Variants in ZNF487 observed in about 807,000 individuals in gnomAD.
ZNF487 encodes the protein zinc finger protein 487.
In ZNF487, 4 loss-of-function variants were observed where a neutral mutation model predicts 3.0. That is an observed-to-expected ratio of 1.35 (90% CI 0.66 to 3.08). The LOEUF is 3.08. ZNF487 is among the 30% of genes most tolerant of loss of function. The pLI is 0.01. For synonymous variants in ZNF487, 55 were observed against 34.6 expected (o/e 1.59, Z -2.06); for missense variants, 146 against 98.7 (o/e 1.48, Z -2.03).
chr10:43,481,701 A>C lies in ZNF487; in HGVS notation c.403A>C (p.Lys135Gln). The C allele has an allele frequency of 1.4e-6, 1 of 713,264 alleles. No individual in the cohort carries two copies. Among genetic ancestry groups the C allele is most frequent in the Non-Finnish European group, 2.6e-6 (1 of 383,526 alleles). 44.2% of individuals were successfully genotyped at this position (713,264 alleles called of 1,614,324 possible). The change falls in exon 4 of 4, where the codon AAA becomes CAA. Residue 135 changes from lysine (K) to glutamine (Q), a missense_variant. Lys to Gln is a moderately conservative substitution (Grantham distance 53). Transcript: ENST00000437590. ...CCCTGCTGAGTGTAATGTACGTGGG[A>C]AATTTCTCCTCTGTATGAAGCGTGA... ...RNPAECNVRG[K>Q]FLLCMKRENP...
the ZNF487 span, among the ~76,000 whole-genome samples, chr10:43,520,460 T>C: frequency 1.3e-5 from 2 of 152,226 alleles, no homozygotes. Flanking sequence ...GAAATTGTGA[T>C]GCATGCAACT....
At chr10:43,502,506 A>G in the ZNF487 span, among the ~76,000 whole-genome samples, 20 of 152,172 alleles carry the variant, frequency 1.3e-4, no homozygotes, top group African/African-American at 4.6e-4. Context: ...CATGTACCCT[A>G]GAACTTAAAG....
At chr10:43,454,090 G>T (rs1164053918) in intron 1 of ZNF487, 2 of 152,020 alleles carry the variant, frequency 1.3e-5, no homozygotes, top group African/African-American at 4.8e-5. Context: ...CTGTCGCCCA[G>T]GCTGAAGTGT....
chr10:43,505,309 G>T, the ZNF487 span, among the ~76,000 whole-genome samples: 1 of 151,380 alleles, frequency 6.6e-6, no homozygotes. Flanking sequence ...GTTTGAGACA[G>T]AGTCTTCCTC....
the ZNF487 span, among the ~76,000 whole-genome samples, chr10:43,493,709 A>AATATATATATATATAT: frequency 1.8e-4 from 8 of 43,636 alleles, no homozygotes; most frequent in Admixed American, 4.4e-4. Context: ...AAAAAAAAAA[A>AATATATATATATATAT]ATATATATAT....
intron 1 of ZNF487, among the ~76,000 whole-genome samples, chr10:43,455,871 G>C (rs1204707734): frequency 6.6e-6 from 1 of 152,236 alleles, no homozygotes; most frequent in East Asian, 1.9e-4. Context: ...GGACTACGGG[G>C]ACGCTTCGCG....
At chr10:43,486,482 C>T (rs2999291), downstream of ZNF487, among the ~76,000 whole-genome samples, 18,821 of 151,210 alleles carry the variant, frequency 0.12, 1,513 homozygotes, top group Middle Eastern at 0.19. Flanking sequence ...GCCGAGATTG[C>T]GCCATTGCAC....
chr10:43,469,698 A>G (rs1448700932), intron 1 of ZNF487, among the ~76,000 whole-genome samples: 1 of 151,946 alleles, frequency 6.6e-6, no homozygotes, highest in East Asian at 1.9e-4. Context: ...ACGGTGGCTC[A>G]TGCACTTTGG....
chr10:43,467,109 A>T (rs1840733057), intron 1 of ZNF487, among the ~76,000 whole-genome samples: 1 of 151,976 alleles, frequency 6.6e-6, no homozygotes, highest in African/African-American at 2.4e-5. Flanking sequence ...TCTTGTCCTC[A>T]AGTGATCTGC....
At chr10:43,468,871 C>G (rs1840802275) in intron 1 of ZNF487, among the ~76,000 whole-genome samples, 1 of 145,690 alleles carries the variant, frequency 6.9e-6, no homozygotes, top group Non-Finnish European at 1.5e-5. Flanking sequence ...CGCCTGTAGT[C>G]CCAGCTACTC....
chr10:43,446,195 C>T (rs1451583477), intron 1 of ZNF487, among the ~76,000 whole-genome samples: 1 of 152,216 alleles, frequency 6.6e-6, no homozygotes, highest in East Asian at 1.9e-4. Flanking sequence ...CTGTTGGGTA[C>T]ACCTCCCAGA....
the ZNF487 span, among the ~76,000 whole-genome samples, chr10:43,498,114 C>CTTT: frequency 2.4e-3 from 59 of 24,610 alleles, 3 homozygotes; most frequent in Non-Finnish European, 2.6e-3. Context: ...TTTTTTTTTT[C>CTTT]TTTTTTTTTT....
At chr10:43,471,016 G>C (rs1408443794) in intron 1 of ZNF487, among the ~76,000 whole-genome samples, 1 of 152,006 alleles carries the variant, frequency 6.6e-6, no homozygotes, top group Admixed American at 6.6e-5. Context: ...TAGAGACGGG[G>C]TTTCACCATG....
intron 1 of ZNF487, chr10:43,457,915 G>T (rs1236208189): frequency 6.6e-6 from 1 of 151,844 alleles, no homozygotes; most frequent in Non-Finnish European, 1.5e-5. Context: ...CCAGCTACTC[G>T]GGAGGCTGAG....
intron 1 of ZNF487, among the ~76,000 whole-genome samples, chr10:43,450,944 T>A (rs919576103): frequency 1.3e-5 from 2 of 151,982 alleles, no homozygotes; most frequent in South Asian, 2.1e-4. Flanking sequence ...TATTATTATT[T>A]TTTTATTATT....
chr10:43,505,476 G>C, the ZNF487 span, among the ~76,000 whole-genome samples: 1 of 151,372 alleles, frequency 6.6e-6, no homozygotes, highest in Admixed American at 6.6e-5. Context: ...GTAGAGACGG[G>C]GTTTCACCGT....
chr10:43,496,392 A>G, the ZNF487 span, among the ~76,000 whole-genome samples: 1 of 152,136 alleles, frequency 6.6e-6, no homozygotes, highest in Non-Finnish European at 1.5e-5. Context: ...GAAGGCTTGA[A>G]GCTATAAGCC....
At chr10:43,474,283 G>A (rs1213253506) in intron 1 of ZNF487, among the ~76,000 whole-genome samples, 2 of 151,948 alleles carry the variant, frequency 1.3e-5, no homozygotes, top group African/African-American at 2.4e-5. Context: ...ATGAAACCCT[G>A]TCTCTACTAA....
the ZNF487 span, among the ~76,000 whole-genome samples, chr10:43,513,677 A>G: frequency 6.6e-6 from 1 of 152,182 alleles, no homozygotes; most frequent in Non-Finnish European, 1.5e-5. Flanking sequence ...CAGGGAGCCA[A>G]TATGGGAGTT....
Sources: gnomAD v4.1 joint callset for allele counts (sites outside exome capture counted in the v4.1 genomes callset) on GRCh38, gnomAD v4.1.1 for gene constraint, MANE v1.5 for transcripts, NCBI Gene and HGNC (gene_info 2026-07-23, HGNC 2026-07-21) for gene names.